Variants in RORB observed in about 807,000 individuals in gnomAD.
RORB encodes RAR related orphan receptor B, also known as nuclear receptor ROR-beta.
RORB carries 6 observed loss-of-function variants against 59.1 expected under a neutral mutation model. The observed-to-expected ratio is 0.10, with a 90% confidence interval of 0.06 to 0.20. RORB has a LOEUF of 0.20. RORB is among the 10% of genes least tolerant of loss of function. RORB has a pLI of 1.00. For missense variants in RORB, 320 were observed against 560.5 expected, an observed-to-expected ratio of 0.57 and a Z score of 4.33; for synonymous variants, 215 against 204.5, an observed-to-expected ratio of 1.05 and a Z score of -0.44.
Position 74,551,112 on chromosome 9 carries a change from G to A in RORB, c.7+53129G>A, listed in dbSNP as rs141355733. 2.3e-4 allele frequency among the ~76,000 whole-genome samples: 35 copies of A among 151,932 alleles called. 1 individual carries two copies. The highest frequency in any genetic ancestry group is 1.9e-3 in the East Asian group (10 of 5,176). ...GTGCCGATCTAGAGATAATGTATGCGCACTGACACAAATTAAATTTGTTGT... is the reference window on the plus strand; with the variant it reads ...GTGCCGATCTAGAGATAATGTATGCACACTGACACAAATTAAATTTGTTGT... On this transcript the variant is annotated intron_variant, in intron 1 of 9. Coordinates refer to ENST00000376896, the MANE Select transcript of RORB (RefSeq NM_006914.4).
intron 1 of RORB, among the ~76,000 whole-genome samples, chr9:74,547,725 T>C (rs2118151554): frequency 6.6e-6 from 1 of 152,248 alleles, no homozygotes; most frequent in South Asian, 2.1e-4. Context: ...GTCACAGAAT[T>C]AATAAGGGGA....
chr9:74,612,857 A>T lies in RORB; in HGVS notation c.8-17425A>T, dbSNP rs1023807132. On this transcript the variant is annotated intron_variant, in intron 1 of 9. Coordinates refer to ENST00000376896, the MANE Select transcript of RORB (RefSeq NM_006914.4). ...CAGATCGATTTGCTTTCTGACAAAA[A>T]AAAAGAAGTTCTTAAATGGTTTTCT... Among the ~76,000 whole-genome samples the T allele has an allele frequency of 9.1e-4, 138 of 152,348 alleles. 2 individuals carry two copies. Among genetic ancestry groups the T allele is most frequent in the Non-Finnish European group, 9.8e-4 (67 of 68,036 alleles).
rs1192843451 is a variant in RORB at position 74,688,130 on chromosome 9, A to T, written c.*2512A>T. 1 of 152,156 alleles carries T rather than the reference A, an allele frequency of 6.6e-6. No homozygotes were observed. The highest frequency in any genetic ancestry group is 1.5e-5 in the Non-Finnish European group (1 of 68,030). The allele number at this position is 152,156 out of a possible 1,614,324, so 9.4% of individuals were successfully genotyped here. ...TTTACCTTGGGAGGTACTGCTTTGA[A>T]TTTGTGTTGTTTCCACTAGCGTTAA... On this transcript the variant is annotated 3_prime_UTR_variant, in exon 10 of 10. Transcript: ENST00000376896.
At chr9:74,649,284 C>G (rs1003240197) in intron 4 of RORB, among the ~76,000 whole-genome samples, 1 of 152,110 alleles carries the variant, frequency 6.6e-6, no homozygotes, top group Non-Finnish European at 1.5e-5. Flanking sequence ...GACCAAGCTA[C>G]CTAAGTCACC....
chr9:74,656,260 T>C (rs1022287013), intron 4 of RORB, among the ~76,000 whole-genome samples: 1 of 152,198 alleles, frequency 6.6e-6, no homozygotes, highest in Non-Finnish European at 1.5e-5. Context: ...GTGCCACATC[T>C]GCTGGTCCCA....
intron 1 of RORB, among the ~76,000 whole-genome samples, chr9:74,614,864 G>A (rs770627490): frequency 3.9e-5 from 6 of 152,144 alleles, no homozygotes; most frequent in African/African-American, 7.2e-5. Flanking sequence ...AGAAATTTCT[G>A]TCTTTGTTTC....
At chr9:74,589,238 G>C (rs1051735724) in intron 1 of RORB, among the ~76,000 whole-genome samples, 1 of 152,208 alleles carries the variant, frequency 6.6e-6, no homozygotes, top group Non-Finnish European at 1.5e-5. Context: ...AATTAAGGAA[G>C]TAGAGAGTTT....
At chr9:74,520,882 G>A (rs1432399328) in intron 1 of RORB, among the ~76,000 whole-genome samples, 1 of 151,616 alleles carries the variant, frequency 6.6e-6, no homozygotes, top group Non-Finnish European at 1.5e-5. Context: ...ACTATTGCAG[G>A]CCTGTTAGAC....
chr9:74,661,636 C>CTTTTT (rs779927558), intron 5 of RORB, among the ~76,000 whole-genome samples: 16 of 79,592 alleles, frequency 2.0e-4, no homozygotes, highest in East Asian at 4.6e-4. Flanking sequence ...TTCTTTTTTC[C>CTTTTT]TTTTTTTTTT....
At chr9:74,641,087 T>C (rs1230460036) in intron 3 of RORB, among the ~76,000 whole-genome samples, 3 of 152,202 alleles carry the variant, frequency 2.0e-5, no homozygotes, top group African/African-American at 4.8e-5. Flanking sequence ...GTGGTGGGAA[T>C]ACCGTCACAA....
At chr9:74,654,425 T>C (rs775726085) in intron 4 of RORB, among the ~76,000 whole-genome samples, 1 of 151,182 alleles carries the variant, frequency 6.6e-6, no homozygotes, top group Non-Finnish European at 1.5e-5. Flanking sequence ...CATTTGGAAA[T>C]GGAGGAAGGA....
At chr9:74,567,791 A>C (rs1246664497) in intron 1 of RORB, among the ~76,000 whole-genome samples, 1 of 152,182 alleles carries the variant, frequency 6.6e-6, no homozygotes, top group East Asian at 1.9e-4. Context: ...CCTCTCTCTG[A>C]GCGAGTGGTT....
chr9:74,654,702 A>G (rs1280327518), intron 4 of RORB, among the ~76,000 whole-genome samples: 4 of 152,158 alleles, frequency 2.6e-5, no homozygotes, highest in Non-Finnish European at 5.9e-5. Flanking sequence ...TGATTCACAC[A>G]TTGTCATTTC....
chr9:74,683,432 T>C (rs1824580970), intron 9 of RORB, among the ~76,000 whole-genome samples: 1 of 152,122 alleles, frequency 6.6e-6, no homozygotes, highest in Non-Finnish European at 1.5e-5. Flanking sequence ...AGAATGGGAC[T>C]CTGAATCATC....
intron 1 of RORB, among the ~76,000 whole-genome samples, chr9:74,540,877 T>C (rs555348911): frequency 1.4e-4 from 22 of 152,338 alleles, no homozygotes; most frequent in Admixed American, 4.6e-4. Flanking sequence ...AATTATTTTA[T>C]ATACATTTCC....
intron 4 of RORB, among the ~76,000 whole-genome samples, chr9:74,651,260 C>T (rs1178256144): frequency 5.9e-5 from 9 of 152,166 alleles, no homozygotes; most frequent in Non-Finnish European, 1.2e-4. Context: ...GTCAGCCAGG[C>T]GCAGTGGCTC....
At chr9:74,617,883 A>G (rs1222071013) in intron 1 of RORB, among the ~76,000 whole-genome samples, 2 of 152,198 alleles carry the variant, frequency 1.3e-5, no homozygotes, top group African/African-American at 4.8e-5. Context: ...GCCTTTCTCT[A>G]ACCTCTAAAG....
At chr9:74,658,657 A>G (rs951258834) in intron 4 of RORB, among the ~76,000 whole-genome samples, 3 of 152,144 alleles carry the variant, frequency 2.0e-5, no homozygotes, top group African/African-American at 7.2e-5. Flanking sequence ...AAGCTATAAA[A>G]TCTTTTGTTA....
intron 1 of RORB, among the ~76,000 whole-genome samples, chr9:74,598,202 T>A (rs1349364332): frequency 6.6e-6 from 1 of 152,058 alleles, no homozygotes; most frequent in Non-Finnish European, 1.5e-5. Context: ...GCCTGGGGTG[T>A]TGGAGGTGAA....
Sources: allele counts gnomAD v4.1 joint callset (sites outside exome capture counted in the v4.1 genomes callset), GRCh38; gene constraint gnomAD v4.1.1; transcripts MANE v1.5; gene names NCBI Gene and HGNC (gene_info 2026-07-23, HGNC 2026-07-21).